DOK6: variants seen among roughly 807,000 people sequenced by gnomAD.
DOK6 encodes downstream of tyrosine kinase 6.
In DOK6, 22 loss-of-function variants were observed where a neutral mutation model predicts 44.0. The observed-to-expected ratio is 0.50, with a 90% CI of 0.36 to 0.71. DOK6 has a LOEUF of 0.71. Among genes scored for constraint, DOK6 ranks in the 30% least tolerant of loss-of-function variants. The probability of loss-of-function intolerance (pLI) is 0.00; values close to 1 mark genes in which losing one functional copy is unlikely to be tolerated. For missense variants in DOK6, 340 were observed against 416.4 expected (o/e 0.82, Z 1.60); for synonymous variants, 166 against 145.5 (o/e 1.14, Z -1.01).
chr18:69,642,443 A>G (rs1263461999), intron 3 of DOK6, among the ~76,000 whole-genome samples: 2 of 152,104 alleles, frequency 1.3e-5, no homozygotes, highest in Non-Finnish European at 2.9e-5. Flanking sequence ...GGCTGAGGCC[A>G]GAAGTTCAGG....
At chr18:69,457,298 T>G (rs1429969916) in intron 1 of DOK6, among the ~76,000 whole-genome samples, 2 of 152,234 alleles carry the variant, frequency 1.3e-5, no homozygotes, top group African/African-American at 2.4e-5. Flanking sequence ...TATTTAAATC[T>G]CTAACTTATC....
At chr18:69,470,748 TG>T (rs1188615243) in intron 1 of DOK6, among the ~76,000 whole-genome samples, 2 of 152,050 alleles carry the variant, frequency 1.3e-5, no homozygotes, top group African/African-American at 2.4e-5. Context: ...TCCAGAAAGT[TG>T]TGTGGAAAAG....
chr18:69,787,920 T>G (rs779594937), intron 7 of DOK6, among the ~76,000 whole-genome samples: 1 of 152,204 alleles, frequency 6.6e-6, no homozygotes, highest in Admixed American at 6.5e-5. Context: ...ACTAAATATA[T>G]TCAGCCTCGG....
intron 3 of DOK6, among the ~76,000 whole-genome samples, chr18:69,634,048 G>C (rs1195623923): frequency 1.3e-5 from 2 of 150,832 alleles, no homozygotes; most frequent in African/African-American, 4.9e-5. Context: ...AGGAATATAA[G>C]AAAGTTATCT....
At chr18:69,466,140 G>A (rs2122481145) in intron 1 of DOK6, among the ~76,000 whole-genome samples, 1 of 152,112 alleles carries the variant, frequency 6.6e-6, no homozygotes, top group Admixed American at 6.5e-5. Flanking sequence ...CTGAAATTTT[G>A]AACCCTTTGA....
chr18:69,757,704 T>A (rs377495570), intron 6 of DOK6, 52 bp from the exon 7 acceptor site: 11 of 1,451,834 alleles, frequency 7.6e-6, no homozygotes, highest in Non-Finnish European at 1.1e-5. Flanking sequence ...AAGAGCAGAT[T>A]TCAGTTTAAT....
At chr18:69,629,203 A>G (rs1254939452) in intron 3 of DOK6, among the ~76,000 whole-genome samples, 1 of 152,184 alleles carries the variant, frequency 6.6e-6, no homozygotes, top group African/African-American at 2.4e-5. Flanking sequence ...GTTCATTTGT[A>G]TGGTGTTGAT....
intron 1 of DOK6, among the ~76,000 whole-genome samples, chr18:69,511,038 T>G (rs1981351920): frequency 6.6e-6 from 1 of 152,196 alleles, no homozygotes; most frequent in Non-Finnish European, 1.5e-5. Flanking sequence ...TGAAACTTGT[T>G]AACAGAAGCA....
chr18:69,588,966 C>G (rs1391604034), intron 2 of DOK6, among the ~76,000 whole-genome samples: 6 of 151,968 alleles, frequency 3.9e-5, no homozygotes, highest in Non-Finnish European at 8.8e-5. Flanking sequence ...ACATGTCTGT[C>G]ACAGGTAGCT....
At chr18:69,664,433 A>G (rs1985605150) in intron 3 of DOK6, among the ~76,000 whole-genome samples, 1 of 152,238 alleles carries the variant, frequency 6.6e-6, no homozygotes, top group South Asian at 2.1e-4. Flanking sequence ...GCAAATTATC[A>G]GAATAATTAT....
chr18:69,747,587 C>T (rs529280901), intron 6 of DOK6, among the ~76,000 whole-genome samples: 10 of 151,486 alleles, frequency 6.6e-5, no homozygotes, highest in South Asian at 4.2e-4. Context: ...AAGCTCTTTC[C>T]GCTCCGCCCC....
chr18:69,427,471 G>A (rs1005173364), intron 1 of DOK6, among the ~76,000 whole-genome samples: 1 of 152,174 alleles, frequency 6.6e-6, no homozygotes, highest in African/African-American at 2.4e-5. Context: ...TGATGGCAAG[G>A]TGGTGGAGAA....
chr18:69,663,854 C>T (rs1985590183), intron 3 of DOK6, among the ~76,000 whole-genome samples: 1 of 152,122 alleles, frequency 6.6e-6, no homozygotes, highest in Non-Finnish European at 1.5e-5. Context: ...GCCTATTGTT[C>T]TCAAGTGGTA....
chr18:69,665,402 GATTATTTGTACCTAATTATAGGTACCTA>G (rs1985630312), intron 3 of DOK6, among the ~76,000 whole-genome samples: 2 of 152,186 alleles, frequency 1.3e-5, no homozygotes, highest in East Asian at 1.9e-4. Flanking sequence ...TGAGGTATTT[GATTATTTGTACCTAATTATAGGTACCTA>G]ATTATTTGTA....
chr18:69,460,588 T>G (rs529430664), intron 1 of DOK6, among the ~76,000 whole-genome samples: 1 of 152,316 alleles, frequency 6.6e-6, no homozygotes, highest in Non-Finnish European at 1.5e-5. Flanking sequence ...AATTAAATAT[T>G]AAGTCATGCA....
chr18:69,553,751 C>T (rs1465009694), intron 1 of DOK6, among the ~76,000 whole-genome samples: 2 of 152,140 alleles, frequency 1.3e-5, no homozygotes, highest in African/African-American at 2.4e-5. Flanking sequence ...AATTGAAAAT[C>T]CAGTCATTTA....
At chr18:69,421,854 ACT>A in intron 1 of DOK6, among the ~76,000 whole-genome samples, 1 of 152,176 alleles carries the variant, frequency 6.6e-6, no homozygotes, top group East Asian at 1.9e-4. Flanking sequence ...TCTTGACCAC[ACT>A]CTGCGTTGAG....
At chr18:69,452,367 A>T (rs1348509727) in intron 1 of DOK6, among the ~76,000 whole-genome samples, 1 of 150,314 alleles carries the variant, frequency 6.7e-6, no homozygotes, top group Non-Finnish European at 1.5e-5. Flanking sequence ...AACCAGGAAG[A>T]AGTTGAATCT....
intron 3 of DOK6, among the ~76,000 whole-genome samples, chr18:69,601,532 G>A (rs963630697): frequency 6.6e-6 from 1 of 152,172 alleles, no homozygotes; most frequent in Non-Finnish European, 1.5e-5. Flanking sequence ...GAGGACCAGG[G>A]TGTTCAGACG....
Sources: gnomAD v4.1 joint callset for allele counts (sites outside exome capture counted in the v4.1 genomes callset) on GRCh38, gnomAD v4.1.1 for gene constraint, MANE v1.5 for transcripts, NCBI Gene and HGNC (gene_info 2026-07-23, HGNC 2026-07-21) for gene names.